The following GRM7 variants were observed in gnomAD, a reference collection of about 807,000 sequenced individuals.
GRM7 encodes glutamate metabotropic receptor 7, also known as metabotropic glutamate receptor 7.
A neutral mutation model predicts 84.5 loss-of-function variants in GRM7; 35 were observed. That is an observed-to-expected ratio of 0.41 (90% CI 0.32 to 0.55). The LOEUF (loss-of-function observed/expected upper bound fraction) is 0.55, where lower values mean the gene tolerates loss of function less well. GRM7 is among the 20% of genes least tolerant of loss of function. The pLI, the probability that GRM7 is intolerant of heterozygous loss-of-function variation, is 0.19. For missense variants in GRM7, 1,003 were observed against 1,194.6 expected (o/e 0.84, Z 2.36); for synonymous variants, 487 against 455.1 (o/e 1.07, Z -0.89).
At chr3:7,667,769 G>T (rs1053671208) in intron 8 of GRM7, among the ~76,000 whole-genome samples, 4 of 149,168 alleles carry the variant, frequency 2.7e-5, no homozygotes, top group African/African-American at 9.9e-5. Context: ...AATATTTATT[G>T]ATAATTTCTT....
At chr3:6,893,781 T>C (rs1423254848) in intron 1 of GRM7, 1 of 152,176 alleles carries the variant, frequency 6.6e-6, no homozygotes, top group Admixed American at 6.6e-5. Flanking sequence ...ATTCTAACAA[T>C]AACACTAATA....
intron 1 of GRM7, among the ~76,000 whole-genome samples, chr3:7,084,847 A>T (rs1698388484): frequency 6.6e-6 from 1 of 152,172 alleles, no homozygotes; most frequent in African/African-American, 2.4e-5. Flanking sequence ...CATTTAAAAA[A>T]TTAGCTCAAG....
intron 1 of GRM7, among the ~76,000 whole-genome samples, chr3:7,031,147 A>G (rs1223377495): frequency 1.3e-5 from 2 of 152,118 alleles, no homozygotes; most frequent in African/African-American, 4.8e-5. Flanking sequence ...AATATTTGCC[A>G]ATTATAACTC....
At chr3:7,294,676 G>T (rs1384055978) in intron 2 of GRM7, among the ~76,000 whole-genome samples, 3 of 151,964 alleles carry the variant, frequency 2.0e-5, no homozygotes, top group African/African-American at 7.3e-5. Flanking sequence ...CTCAAAATCT[G>T]ACCACCTGCA....
At chr3:7,356,812 CT>C (rs1693426745) in intron 4 of GRM7, among the ~76,000 whole-genome samples, 1 of 151,772 alleles carries the variant, frequency 6.6e-6, no homozygotes, top group Admixed American at 6.6e-5. Context: ...GGTTTTAAGG[CT>C]TTTGAACTTC....
intron 6 of GRM7, among the ~76,000 whole-genome samples, chr3:7,457,087 G>T (rs76669647): frequency 1.3e-5 from 2 of 151,988 alleles, no homozygotes; most frequent in African/African-American, 4.8e-5. Context: ...ACTTTATATC[G>T]CATGTTTTAG....
At chr3:7,160,209 C>G (rs1694581542) in intron 2 of GRM7, among the ~76,000 whole-genome samples, 1 of 152,102 alleles carries the variant, frequency 6.6e-6, no homozygotes, top group Admixed American at 6.5e-5. Flanking sequence ...AGCTCTTGAA[C>G]CTGGGCCAGT....
At chr3:7,187,620 A>G (rs1371422260) in intron 2 of GRM7, among the ~76,000 whole-genome samples, 1 of 148,938 alleles carries the variant, frequency 6.7e-6, no homozygotes, top group Non-Finnish European at 1.5e-5. Flanking sequence ...TACCCCATAG[A>G]CAGAAAGTAG....
intron 1 of GRM7, among the ~76,000 whole-genome samples, chr3:6,998,180 T>A (rs975509752): frequency 7.6e-6 from 1 of 132,366 alleles, no homozygotes; most frequent in African/African-American, 2.7e-5. Context: ...GGTACAGGCA[T>A]TGGTTAAATA....
chr3:6,874,871 A>G (rs1377174887), intron 1 of GRM7, among the ~76,000 whole-genome samples: 3 of 152,162 alleles, frequency 2.0e-5, no homozygotes, highest in East Asian at 1.9e-4. Flanking sequence ...GAATCAACTA[A>G]TATTTTATTT....
chr3:7,669,627 AGAG>A (rs1699842631), intron 8 of GRM7, among the ~76,000 whole-genome samples: 1 of 152,236 alleles, frequency 6.6e-6, no homozygotes, highest in African/African-American at 2.4e-5. Flanking sequence ...AGACAAATTC[AGAG>A]GAGGTCAGGG....
At chr3:7,339,067 C>A (rs1217731341) in intron 4 of GRM7, among the ~76,000 whole-genome samples, 1 of 151,938 alleles carries the variant, frequency 6.6e-6, no homozygotes, top group Non-Finnish European at 1.5e-5. Context: ...TTATATTTAG[C>A]AATAGTTTGA....
chr3:7,601,680 C>G (rs1696318388), intron 8 of GRM7, among the ~76,000 whole-genome samples: 1 of 152,052 alleles, frequency 6.6e-6, no homozygotes, highest in South Asian at 2.1e-4. Flanking sequence ...AGTCAGGATT[C>G]AGGTTCTATG....
intron 8 of GRM7, among the ~76,000 whole-genome samples, chr3:7,644,122 G>GT (rs1553630294): frequency 0.02 from 1,947 of 97,278 alleles, 70 homozygotes; most frequent in African/African-American, 0.07. Context: ...TGTGCATGTT[G>GT]TGTGTGTGTG....
chr3:7,292,511 T>C (rs1699667457), intron 2 of GRM7, among the ~76,000 whole-genome samples: 1 of 152,104 alleles, frequency 6.6e-6, no homozygotes, highest in Admixed American at 6.6e-5. Context: ...TCCTGACTCA[T>C]GAGGTGCTGT....
chr3:6,872,165 C>T (rs1290735484), intron 1 of GRM7, among the ~76,000 whole-genome samples: 1 of 152,130 alleles, frequency 6.6e-6, no homozygotes, highest in Non-Finnish European at 1.5e-5. Context: ...ATTTCTGAAA[C>T]AGTTAAGCTA....
At chr3:7,118,260 A>G (rs565211738) in intron 1 of GRM7, among the ~76,000 whole-genome samples, 3 of 151,772 alleles carry the variant, frequency 2.0e-5, no homozygotes, top group Admixed American at 1.3e-4. Flanking sequence ...GCATGGTTGT[A>G]TGCATCTGTA....
chr3:7,231,264 A>G (rs1697189025), intron 2 of GRM7, among the ~76,000 whole-genome samples: 1 of 152,194 alleles, frequency 6.6e-6, no homozygotes, highest in South Asian at 2.1e-4. Flanking sequence ...CAACCAAAGA[A>G]CATGTACCCT....
In GRM7 at chr3:7,382,621, C is replaced by T. The variant is rs1412873007; in HGVS notation, c.1034-32402C>T. Among the ~76,000 whole-genome samples, 3 of 152,020 alleles carry T rather than the reference C, an allele frequency of 2.0e-5. No homozygotes were observed. In the East Asian group the frequency reaches 5.8e-4, roughly 29 times the overall value. ...GAACACTGAAGACACTTCATAAAAG[C>T]TTGTTGAATAAAAAGGGAAAACAAT... On this transcript the variant is annotated intron_variant, in intron 4 of 9. Coordinates refer to ENST00000357716, the MANE Select transcript of GRM7 (RefSeq NM_000844.4).
Sources: allele counts gnomAD v4.1 joint callset (sites outside exome capture counted in the v4.1 genomes callset), GRCh38; gene constraint gnomAD v4.1.1; transcripts MANE v1.5; gene names NCBI Gene and HGNC (gene_info 2026-07-23, HGNC 2026-07-21).